CRYL1: variants seen among roughly 807,000 people sequenced by gnomAD.
The protein encoded by CRYL1 is lambda-crystallin homolog.
In CRYL1, 29 loss-of-function variants were observed where a neutral mutation model predicts 36.6. The ratio of observed to expected loss-of-function variants is 0.79; its 90% CI spans 0.59 to 1.08. The LOEUF is 1.08. Among genes scored for constraint, CRYL1 ranks in the 50% least tolerant of loss-of-function variants. The probability of loss-of-function intolerance (pLI) is 0.00; values close to 1 mark genes in which losing one functional copy is unlikely to be tolerated. For synonymous variants in CRYL1, 152 were observed against 151.5 expected, an observed-to-expected ratio of 1.00 and a Z score of -0.02; for missense variants, 411 against 407.9, an observed-to-expected ratio of 1.01 and a Z score of -0.06.
In CRYL1 at chr13:20,460,556, C is replaced by G. The variant is rs528020713; in HGVS notation, c.277-20802G>C. Among the ~76,000 whole-genome samples the G allele has an allele frequency of 4.3e-4, 54 of 126,254 alleles. 1 individual carries two copies. In the South Asian group the frequency reaches 0.013, roughly 30 times the overall value. 82.8% of individuals were successfully genotyped at this position (126,254 alleles called of 152,430 possible). On this transcript the variant is annotated intron_variant, in intron 3 of 7. Transcript: ENST00000298248. The stretch of plus-strand genomic sequence containing the variant: ...TTTTTTTTTTTTTGAGACGGAGTCT[C>G]GCTCTGTCGCCCAGGCTGGAGTGCA...
chr13:20,441,669 T>C (rs2032353781), intron 3 of CRYL1, among the ~76,000 whole-genome samples: 1 of 152,116 alleles, frequency 6.6e-6, no homozygotes, highest in Admixed American at 6.5e-5. Context: ...CTGCTAGAAA[T>C]TATATCAGAA....
Position 20,439,699 on chromosome 13 carries a change from G to C in CRYL1, c.332C>G (p.Ser111Cys). 6.2e-7 allele frequency: 1 copy of C among 1,613,984 alleles called. No individual in the cohort carries two copies. Among genetic ancestry groups the C allele is most frequent in the South Asian group, 1.1e-5 (1 of 91,064 alleles). The change falls in exon 4 of 8, where the codon TCC (serine) becomes TGC (cysteine). Residue 111 changes from serine (S) to cysteine (C), a missense_variant. Transcript: ENST00000298248. ...LKKKIFAQLD[S>C]IIDDRVILSS... ...TAAGATCACTCGATCATCAATGATG[G>C]AATCTAACTGAGCAAAAATCTTCTT...
At chr13:20,500,226 T>C (rs2033680129) in intron 2 of CRYL1, among the ~76,000 whole-genome samples, 2 of 152,234 alleles carry the variant, frequency 1.3e-5, no homozygotes, top group African/African-American at 4.8e-5. Flanking sequence ...CTGAAGAATT[T>C]TTTTCTTTTG....
At chr13:20,471,252 T>C (rs1014262988) in intron 3 of CRYL1, among the ~76,000 whole-genome samples, 9 of 152,046 alleles carry the variant, frequency 5.9e-5, no homozygotes, top group Non-Finnish European at 1.3e-4. Context: ...ATGACAACTG[T>C]GTACTAAAGC....
At chr13:20,463,079 C>G (rs9552189) in intron 3 of CRYL1, among the ~76,000 whole-genome samples, 51,132 of 152,090 alleles carry the variant, frequency 0.34, 10,600 homozygotes, top group East Asian at 0.64. Flanking sequence ...CTGGGTCTGC[C>G]CACCTCCTGA....
At chr13:20,473,630 T>C (rs913882863) in intron 3 of CRYL1, among the ~76,000 whole-genome samples, 4 of 152,200 alleles carry the variant, frequency 2.6e-5, no homozygotes, top group African/African-American at 7.2e-5. Flanking sequence ...ACAGATAACA[T>C]GGTGTGCTTC....
intron 5 of CRYL1, among the ~76,000 whole-genome samples, chr13:20,426,186 C>T (rs1057020626): frequency 6.6e-6 from 1 of 151,580 alleles, no homozygotes; most frequent in Non-Finnish European, 1.5e-5. Flanking sequence ...TTTTGATTTG[C>T]AAGAGCGATT....
At chr13:20,428,777 G>C (rs2031988991) in intron 5 of CRYL1, among the ~76,000 whole-genome samples, 1 of 152,166 alleles carries the variant, frequency 6.6e-6, no homozygotes, top group Non-Finnish European at 1.5e-5. Context: ...TGGCAGGGGT[G>C]GCAGGGAACG....
intron 3 of CRYL1, among the ~76,000 whole-genome samples, chr13:20,440,342 C>T (rs1056740189): frequency 3.3e-5 from 5 of 152,162 alleles, no homozygotes; most frequent in Non-Finnish European, 4.4e-5. Context: ...TGAAACTTTC[C>T]GTAGGTGAAG....
intron 3 of CRYL1, among the ~76,000 whole-genome samples, chr13:20,454,643 T>A (rs1045068815): frequency 1.3e-5 from 2 of 152,034 alleles, no homozygotes; most frequent in African/African-American, 4.8e-5. Flanking sequence ...ATGGCCTCCA[T>A]CTCCTGACCT....
intron 5 of CRYL1, among the ~76,000 whole-genome samples, chr13:20,422,850 G>C (rs2031850870): frequency 6.6e-6 from 1 of 152,206 alleles, no homozygotes; most frequent in South Asian, 2.1e-4. Context: ...GATAGGGATT[G>C]CACTGAATCT....
chr13:20,414,084 A>G (rs2031593403), intron 5 of CRYL1, among the ~76,000 whole-genome samples: 1 of 152,124 alleles, frequency 6.6e-6, no homozygotes, highest in Non-Finnish European at 1.5e-5. Flanking sequence ...CTGAGGCACG[A>G]GAATCACTTG....
At chr13:20,410,684 T>G (rs952069647) in intron 6 of CRYL1, among the ~76,000 whole-genome samples, 6 of 152,122 alleles carry the variant, frequency 3.9e-5, no homozygotes, top group Admixed American at 2.6e-4. Flanking sequence ...AAGACAAAGC[T>G]CTGTTTGAAT....
chr13:20,516,713 CT>C (rs2034004685), intron 1 of CRYL1, among the ~76,000 whole-genome samples: 1 of 152,138 alleles, frequency 6.6e-6, no homozygotes, highest in Admixed American at 6.5e-5. Flanking sequence ...ATCTCCTGAC[CT>C]TGTGATCCAC....
intron 5 of CRYL1, chr13:20,430,250 T>C (rs1283790810): frequency 1.1e-5 from 11 of 984,916 alleles, no homozygotes; most frequent in Non-Finnish European, 1.3e-5. Flanking sequence ...ACTCACATTT[T>C]CTTAATTTCC....
intron 3 of CRYL1, among the ~76,000 whole-genome samples, chr13:20,469,179 C>A (rs1160057348): frequency 1.3e-5 from 2 of 152,160 alleles, no homozygotes; most frequent in African/African-American, 4.8e-5. Context: ...AACATATAGG[C>A]CATTTCCTAA....
At chr13:20,495,251 A>G (rs1362219345) in intron 2 of CRYL1, among the ~76,000 whole-genome samples, 1 of 152,200 alleles carries the variant, frequency 6.6e-6, no homozygotes, top group African/African-American at 2.4e-5. Context: ...GCATTGCCAC[A>G]CTTAACAGTT....
chr13:20,489,496 T>C lies in CRYL1; in HGVS notation c.150A>G (p.Arg50=). 6.2e-7 allele frequency: 1 copy of C among 1,612,808 alleles called. No individual in the cohort carries two copies. The highest frequency in any genetic ancestry group is 1.1e-5 in the South Asian group (1 of 91,086). The part of the protein sequence containing the change: ...QQIRNALENI[R]KEMKLLEQAG... The stretch of plus-strand genomic sequence containing the variant: ...CCTGCTCCAGCAACTTCATCTCCTT[T>C]CTGGAAAGGCAGAGAGAAGGATCAC... The change falls in exon 3 of 8, where the codon AGA becomes AGG. Residue 50 remains arginine, a splice_region_variant and synonymous_variant. Coordinates refer to ENST00000298248, the MANE Select transcript of CRYL1 (RefSeq NM_015974.3).
At chr13:20,471,571 C>G (rs1157718117) in intron 3 of CRYL1, among the ~76,000 whole-genome samples, 1 of 151,794 alleles carries the variant, frequency 6.6e-6, no homozygotes, top group African/African-American at 2.4e-5. Flanking sequence ...CACCACTGCA[C>G]TCCAGCCTGG....
Sources: gnomAD v4.1 joint callset for allele counts (sites outside exome capture counted in the v4.1 genomes callset) on GRCh38, gnomAD v4.1.1 for gene constraint, MANE v1.5 for transcripts, NCBI Gene and HGNC (gene_info 2026-07-23, HGNC 2026-07-21) for gene names.